Variants in SKIC8 observed in about 807,000 individuals in gnomAD.
SKIC8 encodes SKI8 subunit of superkiller complex.
chr15:78,291,358 G>A, the SKIC8 span: 1 of 152,264 alleles, frequency 6.6e-6, no homozygotes, highest in East Asian at 1.9e-4. Flanking sequence ...TTAAGACCAT[G>A]CTTATATATT....
the SKIC8 span, chr15:78,293,337 G>A: frequency 1.4e-6 from 2 of 1,399,502 alleles, no homozygotes; most frequent in Non-Finnish European, 2.0e-6. Context: ...CCGAGATACT[G>A]TTCAACAATT....
chr15:78,293,270 G>A, the SKIC8 span: 1 of 1,613,946 alleles, frequency 6.2e-7, no homozygotes, highest in Non-Finnish European at 8.5e-7. Context: ...GCATCATCAT[G>A]GGCTAGAATG....
chr15:78,293,399 T>A, the SKIC8 span: 1 of 869,150 alleles, frequency 1.2e-6, no homozygotes, highest in Non-Finnish European at 1.7e-6. Flanking sequence ...AGTGCTTTCC[T>A]ATACAGCTTT....
chr15:78,295,655 C>T, the SKIC8 span: 1 of 1,605,976 alleles, frequency 6.2e-7, no homozygotes, highest in Non-Finnish European at 8.5e-7. Context: ...TGATGTTTTT[C>T]CCTTCAACAC....
the SKIC8 span, chr15:78,295,345 T>TATTACAAAGATA: frequency 1.6e-5 from 9 of 575,166 alleles, no homozygotes; most frequent in Middle Eastern, 4.5e-4. Flanking sequence ...TCTATTAACT[T>TATTACAAAGATA]TGTCCCTAAT....
At chr15:78,291,633 TCA>T in the SKIC8 span, 2 of 152,202 alleles carry the variant, frequency 1.3e-5, no homozygotes, top group Non-Finnish European at 2.9e-5. Context: ...GAAAATGCAC[TCA>T]GTTTCCAGAC....
the SKIC8 span, chr15:78,290,040 C>T: frequency 7.4e-6 from 12 of 1,614,032 alleles, no homozygotes; most frequent in African/African-American, 1.2e-4. Context: ...ACTTTCCCGA[C>T]ATGAGTTCCT....
the SKIC8 span, among the ~76,000 whole-genome samples, chr15:78,297,024 G>A: frequency 1.3e-5 from 2 of 152,098 alleles, no homozygotes; most frequent in African/African-American, 2.4e-5. Context: ...ATGTTTAAAG[G>A]CACTTACTGA....
the SKIC8 span, chr15:78,284,663 G>T: frequency 6.6e-6 from 1 of 152,192 alleles, no homozygotes; most frequent in African/African-American, 2.4e-5. Flanking sequence ...ACACATGAAA[G>T]ACTCAGCAGT....
chr15:78,287,463 C>A, the SKIC8 span, among the ~76,000 whole-genome samples: 2 of 152,172 alleles, frequency 1.3e-5, no homozygotes, highest in Non-Finnish European at 2.9e-5. Flanking sequence ...CTATCACAGG[C>A]CCCTGAAAGG....
At chr15:78,283,555 C>A in the SKIC8 span, 2 of 1,473,990 alleles carry the variant, frequency 1.4e-6, no homozygotes, top group South Asian at 2.4e-5. Context: ...TCTACAAATG[C>A]CTTTATTCTT....
At chr15:78,294,682 T>C in the SKIC8 span, 12 of 423,346 alleles carry the variant, frequency 2.8e-5, no homozygotes, top group Non-Finnish European at 5.1e-5. Context: ...CCATCATGTC[T>C]TCCTCAGGTG....
the SKIC8 span, chr15:78,284,956 C>A: frequency 2.9e-6 from 1 of 348,576 alleles, no homozygotes; most frequent in Non-Finnish European, 5.3e-6. Flanking sequence ...CAGGAGAGGG[C>A]CCCAGACACC....
At chr15:78,294,838 G>T in the SKIC8 span, 2 of 1,275,280 alleles carry the variant, frequency 1.6e-6, no homozygotes, top group Non-Finnish European at 2.2e-6. Context: ...CTTCTGCAAA[G>T]TGAGTATACT....
chr15:78,288,009 A>C, the SKIC8 span, among the ~76,000 whole-genome samples: 1 of 152,148 alleles, frequency 6.6e-6, no homozygotes, highest in Non-Finnish European at 1.5e-5. Flanking sequence ...ACCTATCCCA[A>C]AGAATTTGAA....
At chr15:78,290,212 G>T in the SKIC8 span, 1 of 1,116,382 alleles carries the variant, frequency 9.0e-7, no homozygotes, top group Non-Finnish European at 1.2e-6. Flanking sequence ...GCAGTGTCCT[G>T]ATTCAGAAAA....
the SKIC8 span, among the ~76,000 whole-genome samples, chr15:78,298,634 T>C: frequency 2.0e-5 from 3 of 152,192 alleles, no homozygotes; most frequent in African/African-American, 7.2e-5. Context: ...GTAATCTGTA[T>C]GAGAAAAAAC....
At chr15:78,292,732 A>G in the SKIC8 span, 3 of 1,614,178 alleles carry the variant, frequency 1.9e-6, no homozygotes, top group Non-Finnish European at 2.5e-6. Flanking sequence ...GTCCACAGAC[A>G]CCACTCCCAG....
the SKIC8 span, among the ~76,000 whole-genome samples, chr15:78,291,611 T>C: frequency 2.0e-5 from 3 of 152,156 alleles, no homozygotes; most frequent in South Asian, 2.1e-4. Flanking sequence ...ACAAGAAATA[T>C]TGCTTCTGAG....
Sources: allele counts gnomAD v4.1 joint callset (sites outside exome capture counted in the v4.1 genomes callset), GRCh38; gene constraint gnomAD v4.1.1; transcripts MANE v1.5; gene names NCBI Gene and HGNC (gene_info 2026-07-23, HGNC 2026-07-21).